The following ARSB variants were observed in gnomAD, a reference collection of about 807,000 sequenced individuals.
ARSB encodes N-acetylgalactosamine-4-sulfatase.
A neutral mutation model predicts 50.9 loss-of-function variants in ARSB; 41 were observed. The ratio of observed to expected loss-of-function variants is 0.81; its 90% CI spans 0.63 to 1.04. The LOEUF (loss-of-function observed/expected upper bound fraction) is 1.04, where lower values mean the gene tolerates loss of function less well. Ranked by LOEUF, ARSB falls within the 50% of genes least tolerant of loss-of-function variation. The pLI is 0.00. For synonymous variants in ARSB, 269 were observed against 284.8 expected, an observed-to-expected ratio of 0.94 and a Z score of 0.56; for missense variants, 672 against 693.3, an observed-to-expected ratio of 0.97 and a Z score of 0.35.
At chr5:78,914,613 C>T (rs1749458307) in intron 4 of ARSB, among the ~76,000 whole-genome samples, 1 of 152,190 alleles carries the variant, frequency 6.6e-6, no homozygotes, top group Admixed American at 6.5e-5. Flanking sequence ...CAGAATGGAG[C>T]AGCCCAACAA....
intron 6 of ARSB, among the ~76,000 whole-genome samples, chr5:78,801,612 G>A (rs933205599): frequency 6.6e-6 from 1 of 152,170 alleles, no homozygotes; most frequent in African/African-American, 2.4e-5. Context: ...CACAGTGTCT[G>A]CGTCATCTGC....
Position 78,985,099 on chromosome 5 carries a change from C to T in ARSB, c.150G>A (p.Leu50=), listed in dbSNP as rs2112582698. The T allele has an allele frequency of 6.6e-7, 1 of 1,520,952 alleles. No individual in the cohort carries two copies. The highest frequency in any genetic ancestry group is 8.8e-7 in the Non-Finnish European group (1 of 1,132,976). The allele number at this position is 1,520,952 out of a possible 1,614,324, so 94.2% of individuals were successfully genotyped here. Reference sequence around the variant, plus strand: ...CGTTCCAGCCTAGGTCGTCTGCCAGCAAGAAGACCAGGTGGGGCGGCCGGC... The same window carrying T: ...CGTTCCAGCCTAGGTCGTCTGCCAGTAAGAAGACCAGGTGGGGCGGCCGGC... ...GASRPPHLVF[L]LADDLGWNDV... The change falls in exon 1 of 8, where the codon TTG becomes TTA. Residue 50 remains leucine, a synonymous_variant. Transcript: ENST00000264914.
At chr5:78,820,991 A>AT (rs1042620104) in intron 6 of ARSB, among the ~76,000 whole-genome samples, 11 of 151,784 alleles carry the variant, frequency 7.2e-5, no homozygotes, top group African/African-American at 2.7e-4. Flanking sequence ...AAAAAAAAAA[A>AT]AGTATTGTAC....
intron 6 of ARSB, among the ~76,000 whole-genome samples, chr5:78,796,150 C>T (rs2112638184): frequency 6.6e-6 from 1 of 152,342 alleles, no homozygotes; most frequent in South Asian, 2.1e-4. Context: ...AATAGGTTGA[C>T]AAGAGCTCTT....
At chr5:78,927,019 C>T (rs1479536235) in intron 4 of ARSB, among the ~76,000 whole-genome samples, 1 of 152,148 alleles carries the variant, frequency 6.6e-6, no homozygotes, top group Non-Finnish European at 1.5e-5. Context: ...GTAGCTAGGA[C>T]CACAGGCATG....
intron 4 of ARSB, among the ~76,000 whole-genome samples, chr5:78,942,020 T>C (rs1750956461): frequency 2.0e-5 from 3 of 152,314 alleles, no homozygotes; most frequent in South Asian, 4.1e-4. Context: ...GGAGGGTGTA[T>C]GTATCCAGTA....
chr5:78,889,218 T>C (rs1748172260), intron 4 of ARSB, among the ~76,000 whole-genome samples: 1 of 152,208 alleles, frequency 6.6e-6, no homozygotes, highest in African/African-American at 2.4e-5. Flanking sequence ...AAGAATAAAA[T>C]AAGCTCTTTT....
intron 1 of ARSB, among the ~76,000 whole-genome samples, chr5:78,972,310 A>G (rs1308128868): frequency 6.6e-6 from 1 of 152,070 alleles, no homozygotes; most frequent in Non-Finnish European, 1.5e-5. Context: ...CTGGTCTAGG[A>G]GTAGTAACAG....
At chr5:78,893,886 T>C (rs97728) in intron 4 of ARSB, among the ~76,000 whole-genome samples, 85,410 of 152,066 alleles carry the variant, frequency 0.56, 26,259 homozygotes, top group East Asian at 0.94. Context: ...TAAAACCCTG[T>C]TTGTTTTTCC....
At chr5:78,932,700 G>A (rs1750387616) in intron 4 of ARSB, among the ~76,000 whole-genome samples, 1 of 152,100 alleles carries the variant, frequency 6.6e-6, no homozygotes, top group South Asian at 2.1e-4. Flanking sequence ...TAGAAATTGG[G>A]GATAATAGTA....
chr5:78,874,872 G>C (rs1747415436), intron 5 of ARSB, among the ~76,000 whole-genome samples: 1 of 152,142 alleles, frequency 6.6e-6, no homozygotes, highest in African/African-American at 2.4e-5. Flanking sequence ...GCTTTGGGAG[G>C]CTGAGGCAGG....
chr5:78,787,027 G>A lies in ARSB; in HGVS notation c.1214-5053C>T, dbSNP rs528960624. Among the ~76,000 whole-genome samples the A allele has an allele frequency of 2.0e-5, 3 of 152,228 alleles. No homozygotes were observed. In the East Asian group the frequency reaches 5.8e-4, roughly 29 times the overall value. ...TCAAAACCCAATTGACCATAAGCAT[G>A]AGGGTTTATTTCTGGACTCTCGATG... On this transcript the variant is annotated intron_variant, in intron 6 of 7. Transcript: ENST00000264914.
At chr5:78,797,145 T>TG (rs1743215184) in intron 6 of ARSB, among the ~76,000 whole-genome samples, 1 of 152,126 alleles carries the variant, frequency 6.6e-6, no homozygotes, top group South Asian at 2.1e-4. Flanking sequence ...CCCAAAGTGC[T>TG]GGGATTACAG....
chr5:78,803,395 A>G (rs936148134), intron 6 of ARSB, among the ~76,000 whole-genome samples: 1 of 152,224 alleles, frequency 6.6e-6, no homozygotes, highest in Non-Finnish European at 1.5e-5. Context: ...TCCAAGAGAA[A>G]TATGTGCTAC....
chr5:78,949,570 T>C (rs909104334), intron 4 of ARSB, among the ~76,000 whole-genome samples: 1 of 152,256 alleles, frequency 6.6e-6, no homozygotes, highest in Non-Finnish European at 1.5e-5. Flanking sequence ...TTTCTCCTTA[T>C]ATTCAAACCC....
At chr5:78,862,484 A>T (rs1746493382) in intron 5 of ARSB, among the ~76,000 whole-genome samples, 1 of 152,224 alleles carries the variant, frequency 6.6e-6, no homozygotes, top group South Asian at 2.1e-4. Flanking sequence ...AAACCTGACA[A>T]AAACAAGAAA....
intron 6 of ARSB, chr5:78,783,213 C>A (rs1388737895): frequency 1.3e-5 from 2 of 152,182 alleles, no homozygotes; most frequent in African/African-American, 2.4e-5. Context: ...AATTAATTGT[C>A]ATAATATGTG....
intron 7 of ARSB, among the ~76,000 whole-genome samples, chr5:78,781,641 GT>G (rs1748929064): frequency 6.6e-6 from 1 of 152,182 alleles, no homozygotes; most frequent in Non-Finnish European, 1.5e-5. Context: ...GCAAAGTGAG[GT>G]AAGTGGTAGG....
rs74434455 is a variant in ARSB, at chr5:78,839,460, C to A, written c.1143-34G>T. 2.6e-5 allele frequency: 41 copies of A among 1,564,956 alleles called. No individual in the cohort carries two copies. The African/African-American group carries it at 5.3e-4, about 20-fold the overall frequency. On this transcript the variant is annotated intron_variant, in intron 5 of 7. Transcript: ENST00000264914. ...CAATTTTTAAGGGAATGTTAATTTC[C>A]TCTCTCTAATGGGCATGAATTATTT...
Sources: gnomAD v4.1 joint callset for allele counts (sites outside exome capture counted in the v4.1 genomes callset) on GRCh38, gnomAD v4.1.1 for gene constraint, MANE v1.5 for transcripts, NCBI Gene and HGNC (gene_info 2026-07-23, HGNC 2026-07-21) for gene names.